The following DTD1 variants were observed in gnomAD, a reference collection of about 807,000 sequenced individuals.
The protein encoded by DTD1 is D-aminoacyl-tRNA deacylase 1.
DTD1 carries 13 observed loss-of-function variants against 25.6 expected under a neutral mutation model. The observed-to-expected ratio is 0.51, with a 90% confidence interval of 0.33 to 0.81. DTD1 has a LOEUF of 0.81. Ranked by LOEUF, DTD1 falls within the 30% of genes least tolerant of loss-of-function variation. The probability of loss-of-function intolerance (pLI) is 0.02; values close to 1 mark genes in which losing one functional copy is unlikely to be tolerated. For missense variants in DTD1, 193 were observed against 266.4 expected (o/e 0.72, Z 1.92); for synonymous variants, 110 against 103.6 (o/e 1.06, Z -0.37).
intron 4 of DTD1, among the ~76,000 whole-genome samples, chr20:18,711,243 C>T (rs1316508770): frequency 6.6e-6 from 1 of 152,224 alleles, no homozygotes; most frequent in Non-Finnish European, 1.5e-5. Flanking sequence ...GGGCCTTCTG[C>T]ACAACTCCAC....
rs2060864132 is a variant in DTD1 at position 18,649,326 on chromosome 20, C to CTTTTTTTCT, written c.477+21100_477+21101insCTTTTTTTT. On this transcript the variant is annotated intron_variant, in intron 4 of 5. Transcript: ENST00000377452. ...TGGGCTTTCTCAGCCATTCATCTTTCTTTTTTTTTTTTTTTTTTTTTTTTT... is the reference window on the plus strand; with the variant it reads ...TGGGCTTTCTCAGCCATTCATCTTTCTTTTTTTCTTTTTTTTTTTTTTTTTTTTTTTTTT... Among the ~76,000 whole-genome samples, 9 of 57,652 alleles carry CTTTTTTTCT rather than the reference C, an allele frequency of 1.6e-4. 1 individual carries two copies. Among genetic ancestry groups the CTTTTTTTCT allele is most frequent in the South Asian group, 1.4e-3 (2 of 1,436 alleles). The allele number at this position is 57,652 out of a possible 152,430, so 37.8% of individuals were successfully genotyped here. A position where few individuals can be genotyped will look rare whatever the true frequency, so the allele number is the denominator to read the frequency against.
intron 4 of DTD1, among the ~76,000 whole-genome samples, chr20:18,711,772 A>G (rs6045567): frequency 1 from 152,087 of 152,284 alleles, 75,946 homozygotes; most frequent in Middle Eastern, 1. Flanking sequence ...CAGGCCAGAC[A>G]CAGTGGCTCA....
chr20:18,593,790 C>T lies in DTD1; in HGVS notation c.103C>T (p.Leu35=). 1.2e-6 allele frequency: 2 copies of T among 1,613,934 alleles called. No homozygotes were observed. The highest frequency in any genetic ancestry group is 8.5e-7 in the Non-Finnish European group (1 of 1,179,934). Residue 35 remains leucine, a synonymous_variant, in exon 2 of 6, where the codon CTG becomes TTG. Coordinates refer to ENST00000377452, the MANE Select transcript of DTD1 (RefSeq NM_080820.6). The part of the protein sequence containing the change: ...RGICVLLGIS[L]EDTQKELEHM... ...CATATGTGTGTTGCTGGGTATTTCCCTGGAGGATACGCAGAAGGAACTGGA... is the reference window on the plus strand; with the variant it reads ...CATATGTGTGTTGCTGGGTATTTCCTTGGAGGATACGCAGAAGGAACTGGA...
At chr20:18,710,126 C>T (rs2061152828) in intron 4 of DTD1, among the ~76,000 whole-genome samples, 1 of 152,028 alleles carries the variant, frequency 6.6e-6, no homozygotes, top group South Asian at 2.1e-4. Context: ...TTTGATTGTC[C>T]TGGGCAAACC....
At position 18,744,262 on chromosome 20, in the gene DTD1, C is replaced by T. The variant is rs775130355; in HGVS notation, c.*10C>T. ...TGAACGGGAGCCGTAGCTCAGGAGG[C>T]AGAATTCAGGTAGGAGTTTCCCTGC... On this transcript the variant is annotated 3_prime_UTR_variant, in exon 5 of 6. Transcript: ENST00000377452. 1 of 1,611,040 alleles carries T rather than the reference C, an allele frequency of 6.2e-7. No individual in the cohort carries two copies. The highest frequency in any genetic ancestry group is 1.1e-5 in the South Asian group (1 of 90,644).
intron 4 of DTD1, among the ~76,000 whole-genome samples, chr20:18,667,558 G>A (rs1380622902): frequency 1.5e-5 from 2 of 134,848 alleles, no homozygotes; most frequent in African/African-American, 5.1e-5. Flanking sequence ...GTCCCTTGAA[G>A]GGAAGGTCCC....
intron 3 of DTD1, among the ~76,000 whole-genome samples, chr20:18,614,038 T>C (rs1195298794): frequency 6.6e-6 from 1 of 152,244 alleles, no homozygotes; most frequent in East Asian, 1.9e-4. Context: ...ACTCCTGGGC[T>C]CAAGTGGTCT....
chr20:18,656,306 G>A, intron 4 of DTD1, among the ~76,000 whole-genome samples: 1 of 152,068 alleles, frequency 6.6e-6, no homozygotes, highest in Non-Finnish European at 1.5e-5. Context: ...TGTCTTTATA[G>A]GGATTATCTT....
intron 5 of DTD1, among the ~76,000 whole-genome samples, chr20:18,759,057 C>G (rs966479990): frequency 1.3e-5 from 2 of 152,110 alleles, no homozygotes; most frequent in Admixed American, 1.3e-4. Context: ...AGGATTGCAA[C>G]CCCTGCCTTT....
chr20:18,747,409 C>CT (rs929721236), intron 5 of DTD1, among the ~76,000 whole-genome samples: 1 of 152,172 alleles, frequency 6.6e-6, no homozygotes, highest in Non-Finnish European at 1.5e-5. Context: ...GGCATGTTCC[C>CT]TCCCCGCCAT....
intron 4 of DTD1, among the ~76,000 whole-genome samples, chr20:18,708,785 CT>C (rs2061146520): frequency 6.6e-6 from 1 of 152,182 alleles, no homozygotes; most frequent in Non-Finnish European, 1.5e-5. Flanking sequence ...AGAGGGCAAT[CT>C]TTTCTAGCGC....
chr20:18,680,493 G>A (rs1173024139), intron 4 of DTD1, among the ~76,000 whole-genome samples: 3 of 149,086 alleles, frequency 2.0e-5, no homozygotes, highest in African/African-American at 7.4e-5. Context: ...CCTCGCATCT[G>A]GGCCTCCCAA....
chr20:18,665,895 G>C (rs1447917253), intron 4 of DTD1, among the ~76,000 whole-genome samples: 2 of 152,214 alleles, frequency 1.3e-5, no homozygotes, highest in East Asian at 1.9e-4. Flanking sequence ...TGAGAGTATA[G>C]AGAGTACCCA....
At chr20:18,755,982 A>G (rs1415380134) in intron 5 of DTD1, among the ~76,000 whole-genome samples, 2 of 152,122 alleles carry the variant, frequency 1.3e-5, no homozygotes, top group Admixed American at 6.5e-5. Flanking sequence ...GTGAGATGGT[A>G]TCTCATTGTG....
intron 5 of DTD1, among the ~76,000 whole-genome samples, chr20:18,746,385 G>A (rs2061300275): frequency 6.6e-6 from 1 of 152,120 alleles, no homozygotes; most frequent in Admixed American, 6.6e-5. Context: ...TGGCTTTTAG[G>A]ATCCACAATA....
chr20:18,639,218 C>T (rs1200910222), intron 4 of DTD1, among the ~76,000 whole-genome samples: 1 of 147,886 alleles, frequency 6.8e-6, no homozygotes, highest in African/African-American at 2.5e-5. Context: ...TTCAGGGAAG[C>T]AGTCTCCTTT....
chr20:18,704,071 G>T (rs2061116173), intron 4 of DTD1, among the ~76,000 whole-genome samples: 1 of 151,334 alleles, frequency 6.6e-6, no homozygotes, highest in Non-Finnish European at 1.5e-5. Flanking sequence ...CGCAATCTTG[G>T]CTCACTGCAA....
intron 5 of DTD1, among the ~76,000 whole-genome samples, chr20:18,760,946 C>T (rs552750977): frequency 1.1e-4 from 17 of 152,322 alleles, no homozygotes; most frequent in Non-Finnish European, 2.1e-4. Flanking sequence ...GGGCGCCCCT[C>T]CCCCAGCCTT....
intron 4 of DTD1, among the ~76,000 whole-genome samples, chr20:18,694,355 T>A (rs1600373606): frequency 6.6e-6 from 1 of 152,284 alleles, no homozygotes; most frequent in African/African-American, 2.4e-5. Flanking sequence ...GGAGACAGAT[T>A]AGTGCAGGTA....
Sources: allele counts gnomAD v4.1 joint callset (sites outside exome capture counted in the v4.1 genomes callset), GRCh38; gene constraint gnomAD v4.1.1; transcripts MANE v1.5; gene names NCBI Gene and HGNC (gene_info 2026-07-23, HGNC 2026-07-21).